CEP128: variants seen among roughly 807,000 people sequenced by gnomAD.
The protein encoded by CEP128 is centrosomal protein 128kDa.
CEP128 carries 132 observed loss-of-function variants against 156.7 expected under a neutral mutation model. The observed-to-expected ratio is 0.84, with a 90% CI of 0.73 to 0.97. The LOEUF (loss-of-function observed/expected upper bound fraction) is 0.97, where lower values mean the gene tolerates loss of function less well. Among genes scored for constraint, CEP128 ranks in the 50% least tolerant of loss-of-function variants. The pLI is 0.00. For synonymous variants in CEP128, 469 were observed against 448.9 expected (o/e 1.04, Z -0.57); for missense variants, 1,252 against 1,281.9 (o/e 0.98, Z 0.36).
chr14:80,844,042 A>G (rs933569707), intron 9 of CEP128, among the ~76,000 whole-genome samples: 2 of 152,014 alleles, frequency 1.3e-5, no homozygotes, highest in African/African-American at 2.4e-5. Flanking sequence ...GAATTTCTAA[A>G]TTATGCTTTT....
At chr14:80,824,072 T>A (rs1286198189) in intron 13 of CEP128, among the ~76,000 whole-genome samples, 1 of 152,228 alleles carries the variant, frequency 6.6e-6, no homozygotes, top group Non-Finnish European at 1.5e-5. Context: ...CAAAACCACA[T>A]GGAAGCTGCC....
intron 13 of CEP128, among the ~76,000 whole-genome samples, chr14:80,810,323 C>CAAAAAAAAAAAAAAAAAAAAAAAAAAAAA (rs71103883): frequency 1.3e-4 from 2 of 15,206 alleles, no homozygotes; most frequent in Non-Finnish European, 2.6e-4. Context: ...ACTCCATCTC[C>CAAAAAAAAAAAAAAAAAAAAAAAAAAAAA]AAAAAAAAAA....
At chr14:80,587,757 T>G (rs1056951892) in intron 19 of CEP128, among the ~76,000 whole-genome samples, 1 of 152,166 alleles carries the variant, frequency 6.6e-6, no homozygotes, top group Non-Finnish European at 1.5e-5. Flanking sequence ...TGGGCTGTCT[T>G]GGCCAAAATG....
At chr14:80,589,455 C>T (rs1891954523) in intron 19 of CEP128, among the ~76,000 whole-genome samples, 1 of 152,082 alleles carries the variant, frequency 6.6e-6, no homozygotes, top group Non-Finnish European at 1.5e-5. Flanking sequence ...ATGCCACATT[C>T]AATGAAAGCC....
At chr14:80,745,645 T>C (rs768101671) in intron 18 of CEP128, among the ~76,000 whole-genome samples, 1 of 152,078 alleles carries the variant, frequency 6.6e-6, no homozygotes, top group Non-Finnish European at 1.5e-5. Flanking sequence ...CCACAACTAT[T>C]ATCATACTTA....
intron 19 of CEP128, among the ~76,000 whole-genome samples, chr14:80,625,350 G>C (rs2140684943): frequency 6.6e-6 from 1 of 152,240 alleles, no homozygotes; most frequent in South Asian, 2.1e-4. Flanking sequence ...GGTTAATGTA[G>C]CTTTGTGGTA....
intron 23 of CEP128, among the ~76,000 whole-genome samples, chr14:80,520,450 ACATT>A (rs1269953715): frequency 1.3e-5 from 2 of 152,016 alleles, no homozygotes; most frequent in Non-Finnish European, 2.9e-5. Context: ...ACAAAAAACA[ACATT>A]CATTTACCCT....
chr14:80,483,220 A>C (rs1594898116), intron 14 of CEP128, among the ~76,000 whole-genome samples: 1 of 152,192 alleles, frequency 6.6e-6, no homozygotes, highest in Non-Finnish European at 1.5e-5. Context: ...TTCCACATTA[A>C]CCATCCAGTG....
chr14:80,519,459 C>A (rs983774624), intron 23 of CEP128, among the ~76,000 whole-genome samples: 3 of 152,160 alleles, frequency 2.0e-5, no homozygotes, highest in Non-Finnish European at 4.4e-5. Context: ...ATTTGTCCAG[C>A]CCTTCCCCTG....
At chr14:80,889,247 A>T (rs1423424782) in intron 8 of CEP128, among the ~76,000 whole-genome samples, 3 of 152,206 alleles carry the variant, frequency 2.0e-5, no homozygotes, top group Non-Finnish European at 4.4e-5. Context: ...TCAAGCTACC[A>T]TTGACTTTCT....
At chr14:80,888,433 C>A (rs150646310) in intron 8 of CEP128, among the ~76,000 whole-genome samples, 1 of 152,126 alleles carries the variant, frequency 6.6e-6, no homozygotes, top group Non-Finnish European at 1.5e-5. Context: ...TTATCCACCA[C>A]GATCAAGTTA....
chr14:80,540,996 A>G (rs923919725), intron 21 of CEP128, among the ~76,000 whole-genome samples: 2 of 152,182 alleles, frequency 1.3e-5, no homozygotes, highest in African/African-American at 2.4e-5. Flanking sequence ...TTCTCTAATC[A>G]TATTTTTATT....
intron 9 of CEP128, among the ~76,000 whole-genome samples, chr14:80,854,422 C>T (rs557091369): frequency 1.3e-5 from 2 of 152,212 alleles, no homozygotes; most frequent in South Asian, 2.1e-4. Context: ...AAAACGAATA[C>T]ATGACCAAAA....
chr14:80,477,814 G>A (rs1460993302), exon 15 of CEP128: 2 of 152,184 alleles, frequency 1.3e-5, no homozygotes, highest in Non-Finnish European at 2.9e-5. Flanking sequence ...GTCGTCCTGA[G>A]AGAACTCTGC....
intron 19 of CEP128, among the ~76,000 whole-genome samples, chr14:80,684,698 C>CAAAAAAAAAA (rs536368254): frequency 9.4e-6 from 1 of 106,288 alleles, no homozygotes; most frequent in Non-Finnish European, 2.0e-5. Context: ...CAAAAATCCT[C>CAAAAAAAAAA]AAAAAAAAAA....
intron 13 of CEP128, among the ~76,000 whole-genome samples, chr14:80,801,719 C>A (rs927119657): frequency 6.6e-6 from 1 of 151,628 alleles, no homozygotes; most frequent in Non-Finnish European, 1.5e-5. Flanking sequence ...TCAGCCTAGC[C>A]AACATAGTGA....
intron 19 of CEP128, among the ~76,000 whole-genome samples, chr14:80,653,382 A>T (rs900187320): frequency 2.0e-5 from 3 of 152,166 alleles, no homozygotes; most frequent in African/African-American, 7.2e-5. Context: ...ATGAGATTTC[A>T]GAAAAGAAGT....
chr14:80,495,017 G>A (rs186341927), downstream of CEP128, among the ~76,000 whole-genome samples: 10 of 152,232 alleles, frequency 6.6e-5, no homozygotes, highest in Admixed American at 6.5e-5. Context: ...CAACTTCAAC[G>A]GAAGTTTAGT....
chr14:80,905,825 G>T, intron 5 of CEP128, 130 bp downstream of exon 5: 3 of 785,252 alleles, frequency 3.8e-6, no homozygotes, highest in Non-Finnish European at 3.9e-6. Context: ...TAAAATCCTT[G>T]ACAACTACAT....
Sources: allele counts gnomAD v4.1 joint callset (sites outside exome capture counted in the v4.1 genomes callset), GRCh38; gene constraint gnomAD v4.1.1; transcripts MANE v1.5; gene names NCBI Gene and HGNC (gene_info 2026-07-23, HGNC 2026-07-21).